Variants in SNX6 observed in about 807,000 individuals in gnomAD.
SNX6 encodes sorting nexin-6.
SNX6 carries 34 observed loss-of-function variants against 63.0 expected under a neutral mutation model. That is an observed-to-expected ratio of 0.54 (90% CI 0.41 to 0.72). The LOEUF (loss-of-function observed/expected upper bound fraction) is 0.72, where lower values mean the gene tolerates loss of function less well. Ranked by LOEUF, SNX6 falls within the 30% of genes least tolerant of loss-of-function variation. The probability of loss-of-function intolerance (pLI) is 0.00; values close to 1 mark genes in which losing one functional copy is unlikely to be tolerated. For synonymous variants in SNX6, 170 were observed against 164.2 expected (o/e 1.04, Z -0.27); for missense variants, 398 against 471.4 (o/e 0.84, Z 1.44).
chr14:34,629,765 G>T, intron 2 of SNX6, 142 bp downstream of exon 2: 1 of 1,308,074 alleles, frequency 7.6e-7, no homozygotes, highest in Non-Finnish European at 1.1e-6. Context: ...AGGGTGGGGC[G>T]CGGTGCAGCG....
chr14:34,564,827 TC>T, intron 13 of SNX6, among the ~76,000 whole-genome samples: 1 of 117,294 alleles, frequency 8.5e-6, no homozygotes, highest in South Asian at 2.7e-4. Context: ...AAACTAAGTA[TC>T]AAAAAAAAAA....
intron 2 of SNX6, among the ~76,000 whole-genome samples, chr14:34,625,064 C>T (rs887069016): frequency 2.0e-5 from 3 of 151,822 alleles, no homozygotes; most frequent in Non-Finnish European, 2.9e-5. Context: ...TACAGGTGCC[C>T]GCCACCATGC....
chr14:34,596,354 T>A (rs1033430879), intron 7 of SNX6, among the ~76,000 whole-genome samples: 1 of 148,240 alleles, frequency 6.7e-6, no homozygotes, highest in Admixed American at 6.7e-5. Context: ...GGCGCAGTGG[T>A]TCACACCTGT....
intron 8 of SNX6, among the ~76,000 whole-genome samples, chr14:34,587,292 G>T (rs1169590803): frequency 6.6e-6 from 1 of 151,496 alleles, no homozygotes; most frequent in Non-Finnish European, 1.5e-5. Context: ...CAGCACTTTG[G>T]GAGGCCAAGG....
intron 11 of SNX6, among the ~76,000 whole-genome samples, chr14:34,575,365 A>C (rs1277963862): frequency 1.3e-5 from 2 of 151,836 alleles, no homozygotes; most frequent in Non-Finnish European, 2.9e-5. Context: ...CATGCCAGCT[A>C]ATTTTTGTAT....
intron 2 of SNX6, among the ~76,000 whole-genome samples, chr14:34,625,151 G>A (rs1883779291): frequency 1.3e-5 from 2 of 151,932 alleles, no homozygotes; most frequent in Non-Finnish European, 1.5e-5. Flanking sequence ...TCCCGACCTC[G>A]TGATCCACCC....
At chr14:34,566,638 T>C (rs1594688728) in intron 13 of SNX6, among the ~76,000 whole-genome samples, 1 of 152,256 alleles carries the variant, frequency 6.6e-6, no homozygotes, top group Non-Finnish European at 1.5e-5. Flanking sequence ...ATAGATATTA[T>C]TTTTACTTTA....
chr14:34,604,055 G>GAAAAA, intron 5 of SNX6: 2 of 810,260 alleles, frequency 2.5e-6, no homozygotes, highest in Non-Finnish European at 1.6e-6. Context: ...CAGTTTGGGG[G>GAAAAA]AAAAAAAAAA....
At chr14:34,604,607 T>C (rs1210231246) in intron 5 of SNX6, among the ~76,000 whole-genome samples, 2 of 151,990 alleles carry the variant, frequency 1.3e-5, no homozygotes, top group South Asian at 2.1e-4. Context: ...ACTCTCAAAA[T>C]AGAGAAACAT....
intron 2 of SNX6, among the ~76,000 whole-genome samples, chr14:34,625,869 C>T (rs1883807814): frequency 6.6e-6 from 1 of 152,042 alleles, no homozygotes; most frequent in Non-Finnish European, 1.5e-5. Flanking sequence ...GGAGGTGACA[C>T]CCAGAAACTT....
At chr14:34,597,519 T>C in intron 7 of SNX6, 31 bp downstream of exon 7, 2 of 1,269,940 alleles carry the variant, frequency 1.6e-6, no homozygotes, top group South Asian at 2.5e-5. Flanking sequence ...AAGTCTCAAC[T>C]AATACCACAG....
At chr14:34,629,160 G>A (rs1279281561) in intron 2 of SNX6, among the ~76,000 whole-genome samples, 3 of 151,962 alleles carry the variant, frequency 2.0e-5, no homozygotes, top group Non-Finnish European at 2.9e-5. Context: ...TGGTAACTAG[G>A]TGAGGTGATG....
At chr14:34,618,059 T>G (rs1276671901) in intron 2 of SNX6, among the ~76,000 whole-genome samples, 1 of 152,118 alleles carries the variant, frequency 6.6e-6, no homozygotes, top group Non-Finnish European at 1.5e-5. Context: ...GAGAGATGGA[T>G]GAGTGGATGG....
At chr14:34,606,369 C>T (rs924306955) in intron 4 of SNX6, among the ~76,000 whole-genome samples, 22 of 151,680 alleles carry the variant, frequency 1.5e-4, no homozygotes, top group Middle Eastern at 3.2e-3. Context: ...GATCCACCCA[C>T]TTCAGGCTCC....
intron 11 of SNX6, 105 bp from the exon 12 acceptor site, chr14:34,568,118 G>T: frequency 6.9e-6 from 6 of 873,908 alleles, no homozygotes; most frequent in Non-Finnish European, 1.0e-5. Context: ...CTAACACATA[G>T]TGAATACTAC....
chr14:34,623,142 C>T (rs1883689453), intron 2 of SNX6, among the ~76,000 whole-genome samples: 1 of 152,098 alleles, frequency 6.6e-6, no homozygotes, highest in Non-Finnish European at 1.5e-5. Context: ...TAATATATGT[C>T]ACATTTTTAT....
chr14:34,595,590 G>A (rs924319058), intron 7 of SNX6, among the ~76,000 whole-genome samples: 2 of 152,116 alleles, frequency 1.3e-5, no homozygotes, highest in Non-Finnish European at 2.9e-5. Context: ...TCAACATAGT[G>A]GTTTACATTT....
At chr14:34,601,476 G>C (rs543764698) in intron 6 of SNX6, among the ~76,000 whole-genome samples, 1 of 151,588 alleles carries the variant, frequency 6.6e-6, no homozygotes, top group African/African-American at 2.4e-5. Context: ...CGCCCACCTC[G>C]GCCTCCCAAA....
rs1883090017 is a variant in SNX6, at chr14:34,608,098, G to C, written c.202C>G (p.Arg68Gly). The change falls in exon 4 of 14, where the codon CGG (arginine) becomes GGG (glycine). Residue 68 changes from arginine to glycine, a missense_variant. Physicochemically the swap from Arg to Gly is moderately radical, Grantham distance 125 (BLOSUM62 -2). Transcript: ENST00000362031. ...AGCCAGATAAATTCCTCATGTTGCC[G>C]AACAACTGAAAACTCGTTTTGTTTA... ...NFKQNEFSVV[R>G]QHEEFIWLHD... 1.2e-6 allele frequency: 2 copies of C among 1,609,500 alleles called. No homozygotes were observed. The highest frequency in any genetic ancestry group is 1.7e-6 in the Non-Finnish European group (2 of 1,177,154).
Sources: gnomAD v4.1 joint callset for allele counts (sites outside exome capture counted in the v4.1 genomes callset) on GRCh38, gnomAD v4.1.1 for gene constraint, MANE v1.5 for transcripts, NCBI Gene and HGNC (gene_info 2026-07-23, HGNC 2026-07-21) for gene names.